TMEM108: variants seen among roughly 807,000 people sequenced by gnomAD.
TMEM108 encodes the protein cancer/testis antigen 124.
TMEM108 carries 12 observed loss-of-function variants against 35.1 expected under a neutral mutation model. The ratio of observed to expected loss-of-function variants is 0.34; its 90% CI spans 0.22 to 0.55. The LOEUF (loss-of-function observed/expected upper bound fraction) is 0.55, where lower values mean the gene tolerates loss of function less well. TMEM108 is among the 20% of genes least tolerant of loss of function. The probability of loss-of-function intolerance (pLI) is 0.89; values close to 1 mark genes in which losing one functional copy is unlikely to be tolerated. For synonymous variants in TMEM108, 287 were observed against 308.6 expected, an observed-to-expected ratio of 0.93 and a Z score of 0.73; for missense variants, 680 against 753.3, an observed-to-expected ratio of 0.90 and a Z score of 1.14.
chr3:133,313,621 A>C (rs1285988842), intron 3 of TMEM108, among the ~76,000 whole-genome samples: 1 of 152,172 alleles, frequency 6.6e-6, no homozygotes, highest in Non-Finnish European at 1.5e-5. Context: ...AGTTGATGAC[A>C]TATCCTTCTA....
At position 133,059,845 on chromosome 3, in the gene TMEM108, G is replaced by T. The variant is rs76704192; in HGVS notation, c.-47+13825G>T. Among the ~76,000 whole-genome samples, 911 of 152,246 alleles carry T rather than the reference G, an allele frequency of 6.0e-3. 8 individuals carry two copies. Among genetic ancestry groups the T allele is most frequent in the Non-Finnish European group, 8.9e-3 (608 of 68,002 alleles). On this transcript the variant is annotated intron_variant, in intron 2 of 5. Transcript: ENST00000321871. ...CATTTTTTTTGAGGAGCAAGGACAA[G>T]AGCTAATTCTCACATATCCTTGGCT...
At chr3:133,281,231 G>T (rs1228121198) in intron 3 of TMEM108, among the ~76,000 whole-genome samples, 1 of 152,202 alleles carries the variant, frequency 6.6e-6, no homozygotes, top group Admixed American at 6.5e-5. Context: ...GAATCAGAGG[G>T]TTCCCATGTT....
chr3:133,348,843 A>G (rs1472003183), intron 3 of TMEM108, among the ~76,000 whole-genome samples: 1 of 152,196 alleles, frequency 6.6e-6, no homozygotes, highest in African/African-American at 2.4e-5. Context: ...ATGAAATTAT[A>G]AAACAAATAG....
chr3:133,153,007 G>A (rs1327302461), intron 2 of TMEM108, among the ~76,000 whole-genome samples: 1 of 152,144 alleles, frequency 6.6e-6, no homozygotes, highest in Non-Finnish European at 1.5e-5. Flanking sequence ...TAACAGTCAT[G>A]AGGGTTGGTT....
At chr3:133,079,935 A>G (rs1172172584) in intron 2 of TMEM108, among the ~76,000 whole-genome samples, 4 of 152,118 alleles carry the variant, frequency 2.6e-5, no homozygotes. Context: ...CTTTCTCTAT[A>G]TAGCCAGAGG....
chr3:133,342,800 G>A (rs1258217038), intron 3 of TMEM108, among the ~76,000 whole-genome samples: 1 of 150,606 alleles, frequency 6.6e-6, no homozygotes, highest in Admixed American at 6.6e-5. Context: ...GTTGGTTAAG[G>A]GATACAAAAT....
At chr3:133,252,678 G>C (rs964777384) in intron 3 of TMEM108, among the ~76,000 whole-genome samples, 2 of 151,916 alleles carry the variant, frequency 1.3e-5, no homozygotes, top group African/African-American at 4.8e-5. Context: ...AAAGATGAAG[G>C]GGTCAAGGAG....
chr3:133,226,178 T>C (rs6439392), intron 2 of TMEM108, among the ~76,000 whole-genome samples: 58,502 of 151,980 alleles, frequency 0.38, 11,459 homozygotes, highest in South Asian at 0.51. Flanking sequence ...TGGGTTAAGA[T>C]AATTGGTGGT....
chr3:133,295,729 A>G (rs1439604448), intron 3 of TMEM108, among the ~76,000 whole-genome samples: 2 of 152,164 alleles, frequency 1.3e-5, no homozygotes, highest in Admixed American at 6.6e-5. Context: ...TAAGGCCACC[A>G]CTGGCTTCTG....
chr3:133,182,621 T>A (rs934470623), intron 2 of TMEM108, among the ~76,000 whole-genome samples: 1 of 152,222 alleles, frequency 6.6e-6, no homozygotes, highest in Non-Finnish European at 1.5e-5. Flanking sequence ...TATTTGCCCA[T>A]TGTGTGCTGG....
rs193198162 is a variant in TMEM108, at chr3:133,371,124, C to T, written c.41-8628C>T. 1.1e-4 allele frequency among the ~76,000 whole-genome samples: 16 copies of T among 152,296 alleles called. No homozygotes were observed. In the East Asian group the frequency reaches 2.3e-3, roughly 22 times the overall value. ...CCGTTGAGCTCCAGCACTTAAAAGC[C>T]CTTGATGTCTCAATCCAGAGTGGTC... On this transcript the variant is annotated intron_variant, in intron 3 of 5. Transcript: ENST00000321871.
intron 3 of TMEM108, among the ~76,000 whole-genome samples, chr3:133,329,343 T>C (rs1346908801): frequency 1.3e-5 from 2 of 152,156 alleles, no homozygotes; most frequent in Admixed American, 1.3e-4. Flanking sequence ...TGGGGCTCTT[T>C]GCTGAGAAAG....
At chr3:133,081,901 T>C (rs1943815509) in intron 2 of TMEM108, among the ~76,000 whole-genome samples, 1 of 152,176 alleles carries the variant, frequency 6.6e-6, no homozygotes, top group African/African-American at 2.4e-5. Flanking sequence ...TGTGCAAAGA[T>C]CATCTATAGA....
chr3:133,133,003 A>G (rs1354916377), intron 2 of TMEM108, among the ~76,000 whole-genome samples: 2 of 152,244 alleles, frequency 1.3e-5, no homozygotes, highest in Non-Finnish European at 2.9e-5. Context: ...GAATTTCTGC[A>G]ATCTCATGAT....
At chr3:133,306,702 C>CT (rs1029839118) in intron 3 of TMEM108, among the ~76,000 whole-genome samples, 37 of 152,052 alleles carry the variant, frequency 2.4e-4, no homozygotes, top group African/African-American at 8.7e-4. Flanking sequence ...TGAACTCATC[C>CT]TTTTTTATGG....
chr3:133,268,520 A>G (rs56940649), intron 3 of TMEM108, among the ~76,000 whole-genome samples: 46,448 of 152,114 alleles, frequency 0.31, 7,823 homozygotes, highest in East Asian at 0.47. Context: ...AGTCATGTTT[A>G]TTCTACTTCA....
At chr3:133,092,693 A>G (rs952428812) in intron 2 of TMEM108, among the ~76,000 whole-genome samples, 2 of 152,204 alleles carry the variant, frequency 1.3e-5, no homozygotes, top group Non-Finnish European at 2.9e-5. Context: ...TAATAGCAGC[A>G]AAATCATTTT....
At chr3:133,306,559 C>T (rs2071041025) in intron 3 of TMEM108, among the ~76,000 whole-genome samples, 1 of 152,050 alleles carries the variant, frequency 6.6e-6, no homozygotes. Flanking sequence ...ATGTTCACCG[C>T]CCTGTGTCCA....
intron 2 of TMEM108, among the ~76,000 whole-genome samples, chr3:133,089,163 T>C (rs1943918042): frequency 6.6e-6 from 1 of 152,162 alleles, no homozygotes; most frequent in Non-Finnish European, 1.5e-5. Flanking sequence ...AAACTGCTCC[T>C]GTAATCCAAT....
Sources: gnomAD v4.1 joint callset for allele counts (sites outside exome capture counted in the v4.1 genomes callset) on GRCh38, gnomAD v4.1.1 for gene constraint, MANE v1.5 for transcripts, NCBI Gene and HGNC (gene_info 2026-07-23, HGNC 2026-07-21) for gene names.